The following VAT1L variants were observed in gnomAD, a reference collection of about 807,000 sequenced individuals.
VAT1L encodes the protein vesicle amine transport 1 like.
A neutral mutation model predicts 44.1 loss-of-function variants in VAT1L; 34 were observed. The ratio of observed to expected loss-of-function variants is 0.77; its 90% CI spans 0.59 to 1.03. The LOEUF is 1.03. Ranked by LOEUF, VAT1L falls within the 50% of genes least tolerant of loss-of-function variation. VAT1L has a pLI of 0.00. For missense variants in VAT1L, 615 were observed against 538.8 expected, an observed-to-expected ratio of 1.14 and a Z score of -1.40; for synonymous variants, 253 against 202.2, an observed-to-expected ratio of 1.25 and a Z score of -2.13.
chr16:77,875,822 T>G (rs879318099), intron 4 of VAT1L, among the ~76,000 whole-genome samples: 11 of 152,294 alleles, frequency 7.2e-5, no homozygotes, highest in Middle Eastern at 3.4e-3. Flanking sequence ...CTTTATGTTT[T>G]CACTGTAAAG....
intron 7 of VAT1L, among the ~76,000 whole-genome samples, chr16:77,903,734 CTTT>C (rs552342074): frequency 4.0e-5 from 5 of 124,362 alleles, no homozygotes; most frequent in Admixed American, 8.2e-5. Flanking sequence ...TCTCTCATTA[CTTT>C]TTTTTTTTTT....
chr16:77,835,376 T>C (rs564732013), intron 3 of VAT1L, among the ~76,000 whole-genome samples: 2 of 152,316 alleles, frequency 1.3e-5, no homozygotes, highest in East Asian at 3.9e-4. Flanking sequence ...TGGTATGTAA[T>C]ATTCATTAAA....
chr16:77,939,237 A>G (rs747640713), intron 7 of VAT1L, among the ~76,000 whole-genome samples: 6 of 152,218 alleles, frequency 3.9e-5, no homozygotes, highest in African/African-American at 9.6e-5. Flanking sequence ...CAATTCTTTG[A>G]AACACCAGAA....
chr16:77,963,229 G>C (rs373035726), intron 7 of VAT1L, among the ~76,000 whole-genome samples: 4 of 152,252 alleles, frequency 2.6e-5, no homozygotes, highest in East Asian at 3.9e-4. Flanking sequence ...TGGAAAAACG[G>C]ACTTTGCCGA....
At chr16:77,939,024 C>A (rs757683260) in intron 7 of VAT1L, among the ~76,000 whole-genome samples, 1 of 152,120 alleles carries the variant, frequency 6.6e-6, no homozygotes, top group Non-Finnish European at 1.5e-5. Flanking sequence ...CTGCATCAAC[C>A]TGGACTGCTC....
intron 7 of VAT1L, among the ~76,000 whole-genome samples, chr16:77,889,379 G>A (rs1024406361): frequency 6.6e-6 from 1 of 152,170 alleles, no homozygotes; most frequent in South Asian, 2.1e-4. Context: ...TGTACGTTAA[G>A]TTGGAAGAAA....
intron 8 of VAT1L, among the ~76,000 whole-genome samples, chr16:77,972,432 C>T (rs548066246): frequency 1.9e-4 from 29 of 152,330 alleles, no homozygotes; most frequent in Non-Finnish European, 3.2e-4. Flanking sequence ...ATCCTCCCAC[C>T]TCAGCCTCTT....
chr16:77,813,846 C>T (rs1311169023), intron 1 of VAT1L, among the ~76,000 whole-genome samples: 1 of 152,142 alleles, frequency 6.6e-6, no homozygotes, highest in Non-Finnish European at 1.5e-5. Context: ...GCCACTCCTC[C>T]AATACTGGGC....
At chr16:77,829,111 CCTCTT>C (rs2016553254) in intron 3 of VAT1L, among the ~76,000 whole-genome samples, 1 of 152,142 alleles carries the variant, frequency 6.6e-6, no homozygotes, top group Non-Finnish European at 1.5e-5. Context: ...GATTCCAAAA[CCTCTT>C]CTCTTTCCAT....
At chr16:77,915,188 A>G (rs552255052) in intron 7 of VAT1L, among the ~76,000 whole-genome samples, 1 of 152,352 alleles carries the variant, frequency 6.6e-6, no homozygotes. Context: ...ATTGAATCGT[A>G]ACCATAGATT....
Position 77,977,896 on chromosome 16 carries a change from C to T in VAT1L, c.*201C>T. On this transcript the variant is annotated 3_prime_UTR_variant, in exon 9 of 9. Transcript: ENST00000302536. The stretch of plus-strand genomic sequence containing the variant: ...TGCCATGCAGTATTATGTCCCTCTC[C>T]TATCTGTGTATTACACATTCCCCTC... The T allele has an allele frequency of 5.4e-6, 3 of 559,606 alleles. No individual in the cohort carries two copies. In the Admixed American group the frequency reaches 9.0e-5, roughly 17 times the overall value. The allele number at this position is 559,606 out of a possible 1,614,324, so 34.7% of individuals were successfully genotyped here. A position where few individuals can be genotyped will look rare whatever the true frequency, so the allele number is the denominator to read the frequency against.
At chr16:77,944,302 G>T (rs1273019271) in intron 7 of VAT1L, among the ~76,000 whole-genome samples, 1 of 152,164 alleles carries the variant, frequency 6.6e-6, no homozygotes, top group Non-Finnish European at 1.5e-5. Context: ...GAATACTAGA[G>T]AAATTCCTTA....
intron 4 of VAT1L, among the ~76,000 whole-genome samples, chr16:77,864,185 C>T (rs1355721269): frequency 2.0e-5 from 3 of 152,230 alleles, no homozygotes; most frequent in African/African-American, 7.2e-5. Flanking sequence ...GTCCATGCCA[C>T]TCAGAGCTTC....
chr16:77,828,617 C>T (rs919803196), intron 3 of VAT1L, among the ~76,000 whole-genome samples: 9 of 151,876 alleles, frequency 5.9e-5, no homozygotes, highest in Admixed American at 5.2e-4. Context: ...GAGCTGAGAT[C>T]GTGCCACTGC....
chr16:77,896,798 AAT>A (rs2017329497), intron 7 of VAT1L, among the ~76,000 whole-genome samples: 1 of 152,206 alleles, frequency 6.6e-6, no homozygotes. Flanking sequence ...CTCAGCTCTG[AAT>A]ACATTCCTGT....
intron 7 of VAT1L, among the ~76,000 whole-genome samples, chr16:77,887,503 G>C (rs1301761997): frequency 6.6e-6 from 1 of 152,188 alleles, no homozygotes; most frequent in African/African-American, 2.4e-5. Flanking sequence ...GAGAAGCTCA[G>C]CTAGCATTAA....
Position 77,788,878 on chromosome 16 carries a change from C to CCTCA in VAT1L, c.197_200dup (p.Gln67HisfsTer19). 6.4e-7 allele frequency: 1 copy of CCTCA among 1,556,912 alleles called. No homozygotes were observed. Among genetic ancestry groups the CCTCA allele is most frequent in the Non-Finnish European group, 8.7e-7 (1 of 1,153,010 alleles). The stretch of plus-strand genomic sequence containing the variant: ...GCTCTTCAGGAAGGCCATGCCCGAG[C>CCTCA]CTCAGGACGGCGAGCTCAAGATCCG... On this transcript the variant is annotated frameshift_variant, in exon 1 of 9. Transcript: ENST00000302536. LOFTEE classifies it high-confidence loss of function.
In VAT1L at chr16:77,968,550, C is replaced by T. The variant is rs1213158275; in HGVS notation, c.1078-3300C>T. 2.6e-5 allele frequency among the ~76,000 whole-genome samples: 4 copies of T among 152,018 alleles called. No homozygotes were observed. The East Asian group carries it at 5.8e-4, about 22-fold the overall frequency. On this transcript the variant is annotated intron_variant, in intron 7 of 8. Coordinates refer to ENST00000302536, the MANE Select transcript of VAT1L (RefSeq NM_020927.3). ...ACCATCCTAGCTAACAAGGTGAAAC[C>T]CCATCTCTGCTAAAAATACAAAAAA...
At chr16:77,881,666 G>C (rs2017156930) in intron 6 of VAT1L, among the ~76,000 whole-genome samples, 1 of 152,192 alleles carries the variant, frequency 6.6e-6, no homozygotes, top group Non-Finnish European at 1.5e-5. Context: ...TCAAATCAAA[G>C]GTCTTCTCTT....
Sources: allele counts gnomAD v4.1 joint callset (sites outside exome capture counted in the v4.1 genomes callset), GRCh38; gene constraint gnomAD v4.1.1; transcripts MANE v1.5; gene names NCBI Gene and HGNC (gene_info 2026-07-23, HGNC 2026-07-21).